The following AGPAT5 variants were observed in gnomAD, a reference collection of about 807,000 sequenced individuals.
The protein encoded by AGPAT5 is 1-acylglycerol-3-phosphate O-acyltransferase 5, also known as 1-acyl-sn-glycerol-3-phosphate acyltransferase epsilon.
AGPAT5 carries 46 observed loss-of-function variants against 45.6 expected under a neutral mutation model. The observed-to-expected ratio is 1.01, with a 90% CI of 0.80 to 1.29. The LOEUF is 1.29. Among genes scored for constraint, AGPAT5 ranks in the 50% most tolerant of loss-of-function variants. The pLI, the probability that AGPAT5 is intolerant of heterozygous loss-of-function variation, is 0.00. For missense variants in AGPAT5, 673 were observed against 450.7 expected, an observed-to-expected ratio of 1.49 and a Z score of -4.47; for synonymous variants, 272 against 167.0, an observed-to-expected ratio of 1.63 and a Z score of -4.85.
intron 2 of AGPAT5, among the ~76,000 whole-genome samples, chr8:6,728,389 A>T (rs1800757240): frequency 6.6e-6 from 1 of 152,268 alleles, no homozygotes; most frequent in Admixed American, 6.5e-5. Flanking sequence ...AATAAAGAGA[A>T]TTCAGTAGCA....
intron 4 of AGPAT5, among the ~76,000 whole-genome samples, chr8:6,737,419 G>A (rs12676235): frequency 0.42 from 64,237 of 151,954 alleles, 13,856 homozygotes; most frequent in Non-Finnish European, 0.46. Flanking sequence ...GTTCTTATTC[G>A]GTATTAGTAT....
At chr8:6,712,058 A>G (rs1800173945) in intron 1 of AGPAT5, among the ~76,000 whole-genome samples, 1 of 152,194 alleles carries the variant, frequency 6.6e-6, no homozygotes, top group Admixed American at 6.5e-5. Flanking sequence ...AATGAACTCC[A>G]TAGTTCTGCC....
In AGPAT5 at chr8:6,747,757, T is replaced by G; in HGVS notation, c.674T>G (p.Ile225Ser). The G allele has an allele frequency of 6.2e-7, 1 of 1,614,190 alleles. No individual in the cohort carries two copies. Among genetic ancestry groups the G allele is most frequent in the Non-Finnish European group, 8.5e-7 (1 of 1,180,028 alleles). ...FDCMKNYLDA[I>S]YDVTVVYEGK... ...TGCATGAAGAATTATTTAGATGCAA[T>G]TTATGATGTTACGGTGGTTTATGAA... Residue 225 changes from isoleucine (I) to serine (S), a missense_variant, in exon 6 of 8, where the codon ATT (isoleucine) becomes AGT (serine). Transcript: ENST00000285518.
rs1321988184 is a variant in AGPAT5 at position 6,719,036 on chromosome 8, C to T, written c.220-5834C>T. Among the ~76,000 whole-genome samples, 7 of 152,010 alleles carry T rather than the reference C, an allele frequency of 4.6e-5. No individual in the cohort carries two copies. The South Asian group carries it at 1.2e-3, about 27-fold the overall frequency. On this transcript the variant is annotated intron_variant, in intron 1 of 7. Transcript: ENST00000285518. ...CTATGAATGAGTACCTTTCCATGGT[C>T]GAAGATTGTAAAAATTTGTTTTAAG...
At chr8:6,738,031 T>C (rs921975125) in intron 4 of AGPAT5, among the ~76,000 whole-genome samples, 6 of 152,214 alleles carry the variant, frequency 3.9e-5, no homozygotes, top group African/African-American at 9.6e-5. Flanking sequence ...ACTCAAACTT[T>C]CTCCATATCA....
chr8:6,724,263 G>A (rs937490498), intron 1 of AGPAT5, among the ~76,000 whole-genome samples: 1 of 152,116 alleles, frequency 6.6e-6, no homozygotes, highest in Non-Finnish European at 1.5e-5. Context: ...TTGCTCCTCA[G>A]CCGCGACACT....
In AGPAT5 at chr8:6,757,245, A is replaced by G. The variant is rs138809197; in HGVS notation, c.952A>G (p.Ile318Val). Residue 318 changes from isoleucine (I) to valine (V), a missense_variant, in exon 8 of 8, where the codon ATC (isoleucine) becomes GTC (valine). Physicochemically the swap from Ile to Val is conservative, Grantham distance 29. Coordinates refer to ENST00000285518, the MANE Select transcript of AGPAT5 (RefSeq NM_018361.5). ...PGKSVNSKLS[I>V]KKTLPSMLIL... ...GAAAAGTGTTAATTCCAAATTAAGT[A>G]TCAAGAAGACTTTACCATCAATGTT... is the stretch of plus-strand genomic sequence containing the variant. 166 of 1,614,098 alleles carry G rather than the reference A, an allele frequency of 1.0e-4. No homozygotes were observed. Among genetic ancestry groups the G allele is most frequent in the Non-Finnish European group, 1.3e-4 (157 of 1,180,032 alleles).
At chr8:6,738,584 A>G (rs1054305525) in intron 4 of AGPAT5, 1 of 152,216 alleles carries the variant, frequency 6.6e-6, no homozygotes, top group Non-Finnish European at 1.5e-5. Flanking sequence ...TGGCACCAAT[A>G]GACTTGCTCG....
intron 1 of AGPAT5, among the ~76,000 whole-genome samples, chr8:6,722,042 A>G (rs2928626): frequency 0.75 from 114,054 of 151,842 alleles, 44,071 homozygotes; most frequent in African/African-American, 0.94. Context: ...AAATTGTGAA[A>G]AAGTGACTAG....
In AGPAT5 at chr8:6,757,587, C is replaced by T. The variant is rs780138046; in HGVS notation, c.*199C>T. On this transcript the variant is annotated 3_prime_UTR_variant, in exon 8 of 8. Transcript: ENST00000285518. ...ATACCTGGTTGTACAACTTTAGCAT[C>T]GGGGCTGCTGGAAGGGTAAAAGCTA... 120 of 546,320 alleles carry T rather than the reference C, an allele frequency of 2.2e-4. No homozygotes were observed. The highest frequency in any genetic ancestry group is 3.4e-4 in the Non-Finnish European group (105 of 308,266). The allele number at this position is 546,320 out of a possible 1,614,324, so 33.8% of individuals were successfully genotyped here.
intron 3 of AGPAT5, among the ~76,000 whole-genome samples, chr8:6,731,130 G>C (rs147624619): frequency 4.6e-5 from 7 of 151,922 alleles, no homozygotes; most frequent in African/African-American, 1.4e-4. Flanking sequence ...CCAAAATGCT[G>C]GATTATAGGT....
chr8:6,754,673 G>A (rs1801772425), intron 6 of AGPAT5, among the ~76,000 whole-genome samples: 1 of 152,160 alleles, frequency 6.6e-6, no homozygotes, highest in African/African-American at 2.4e-5. Flanking sequence ...TGGGGCTGGT[G>A]GTGGTAGGCA....
intron 7 of AGPAT5, among the ~76,000 whole-genome samples, chr8:6,756,334 GA>G (rs1339647121): frequency 9.9e-5 from 15 of 151,912 alleles, no homozygotes; most frequent in Non-Finnish European, 1.9e-4. Context: ...AAAATACTCA[GA>G]AAAAAAGGGG....
At chr8:6,744,351 G>A (rs1367851129) in intron 5 of AGPAT5, among the ~76,000 whole-genome samples, 6 of 152,148 alleles carry the variant, frequency 3.9e-5, no homozygotes, top group African/African-American at 1.2e-4. Flanking sequence ...CGGCACTCTC[G>A]CTCTTAAGAA....
intron 5 of AGPAT5, among the ~76,000 whole-genome samples, chr8:6,746,646 C>G (rs1172426613): frequency 6.6e-6 from 1 of 152,212 alleles, no homozygotes; most frequent in Non-Finnish European, 1.5e-5. Flanking sequence ...GGACTAAAGT[C>G]AGATACGTGC....
chr8:6,741,735 A>G lies in AGPAT5; in HGVS notation c.570A>G (p.Ala190=), dbSNP rs1801251390. The change falls in exon 5 of 8, where the codon GCA becomes GCG. Residue 190 remains alanine (A), a synonymous_variant. Coordinates refer to ENST00000285518, the MANE Select transcript of AGPAT5 (RefSeq NM_018361.5). ...CAAAAGTCCTTTCAGCTAGTCAGGC[A>G]TTTGCTGCCCAACGTGGTAAGTAAA... ...EQTKVLSASQ[A]FAAQRGLAVL... 2 of 1,612,246 alleles carry G rather than the reference A, an allele frequency of 1.2e-6. No individual in the cohort carries two copies. The highest frequency in any genetic ancestry group is 8.5e-7 in the Non-Finnish European group (1 of 1,178,938).
intron 6 of AGPAT5, among the ~76,000 whole-genome samples, chr8:6,749,357 A>T (rs80148941): frequency 0.042 from 6,411 of 152,334 alleles, 179 homozygotes; most frequent in Middle Eastern, 0.068. Context: ...TATCTGAAAG[A>T]TGATTGTTCT....
At chr8:6,740,488 T>C (rs1801212672) in intron 4 of AGPAT5, among the ~76,000 whole-genome samples, 1 of 148,044 alleles carries the variant, frequency 6.8e-6, no homozygotes, top group Middle Eastern at 3.3e-3. Flanking sequence ...TATTGTTTAA[T>C]AATAATATTA....
At chr8:6,726,681 C>A (rs901009990) in intron 2 of AGPAT5, among the ~76,000 whole-genome samples, 3 of 152,128 alleles carry the variant, frequency 2.0e-5, no homozygotes, top group African/African-American at 7.2e-5. Flanking sequence ...CTAGAAGGTA[C>A]TATGGGAAGG....
Sources: gnomAD v4.1 joint callset for allele counts (sites outside exome capture counted in the v4.1 genomes callset) on GRCh38, gnomAD v4.1.1 for gene constraint, MANE v1.5 for transcripts, NCBI Gene and HGNC (gene_info 2026-07-23, HGNC 2026-07-21) for gene names.